CCSER1: variants seen among roughly 807,000 people sequenced by gnomAD.
CCSER1 encodes serine-rich coiled-coil domain-containing protein 1.
CCSER1 carries 41 observed loss-of-function variants against 82.0 expected under a neutral mutation model. The ratio of observed to expected loss-of-function variants is 0.50; its 90% confidence interval spans 0.39 to 0.65. CCSER1 has a LOEUF of 0.65. CCSER1 is among the 30% of genes least tolerant of loss of function. The pLI is 0.00. For missense variants in CCSER1, 1,119 were observed against 1,064.2 expected, an observed-to-expected ratio of 1.05 and a Z score of -0.72; for synonymous variants, 414 against 383.9, an observed-to-expected ratio of 1.08 and a Z score of -0.92.
At position 91,454,860 on chromosome 4, in the gene CCSER1, T is replaced by G. The variant is rs75919146; in HGVS notation, c.2218-143712T>G. 3.0e-3 allele frequency among the ~76,000 whole-genome samples: 455 copies of G among 152,052 alleles called. 3 individuals carry two copies. The highest frequency in any genetic ancestry group is 0.023 in the South Asian group (113 of 4,812). Reference sequence around the variant, plus strand: ...CTTAGCCATAGTAGACACAGAAAATTCCCTTGTTCTAACCCTTTTAGCATC... The same window carrying G: ...CTTAGCCATAGTAGACACAGAAAATGCCCTTGTTCTAACCCTTTTAGCATC... On this transcript the variant is annotated intron_variant, in intron 10 of 10. Transcript: ENST00000509176.
At chr4:90,414,585 T>C (rs1755510503) in intron 4 of CCSER1, among the ~76,000 whole-genome samples, 1 of 152,162 alleles carries the variant, frequency 6.6e-6, no homozygotes, top group African/African-American at 2.4e-5. Context: ...CCTTCACACT[T>C]TTTATCTGTC....
chr4:91,084,922 G>A (rs2148814104), intron 9 of CCSER1, among the ~76,000 whole-genome samples: 1 of 151,988 alleles, frequency 6.6e-6, no homozygotes, highest in South Asian at 2.1e-4. Context: ...AAACATAAAT[G>A]CTGTAGCCAA....
chr4:90,349,929 C>A (rs971513077), intron 3 of CCSER1, among the ~76,000 whole-genome samples: 4 of 151,948 alleles, frequency 2.6e-5, no homozygotes, highest in African/African-American at 9.7e-5. Context: ...CTGTCATAAC[C>A]CAAAGTGCAT....
chr4:90,515,196 A>G (rs1772099444), intron 5 of CCSER1, among the ~76,000 whole-genome samples: 1 of 152,194 alleles, frequency 6.6e-6, no homozygotes, highest in African/African-American at 2.4e-5. Context: ...AGTTATTTCT[A>G]TATCCACACT....
At chr4:91,249,733 A>G (rs1008304956) in intron 10 of CCSER1, among the ~76,000 whole-genome samples, 2 of 152,124 alleles carry the variant, frequency 1.3e-5, no homozygotes, top group South Asian at 4.1e-4. Flanking sequence ...TAGTTTCCAT[A>G]TAACCAACAT....
rs982717053 is a variant in CCSER1, at chr4:91,057,154, G to A, written c.2173-28796G>A. ...GTCCTTATTGCCCACCCTGGCTCCT[G>A]TAAGCTGTGTGCAAGCTGCTCCAGG... On this transcript the variant is annotated intron_variant, in intron 9 of 10. Transcript: ENST00000509176. 2.0e-5 allele frequency among the ~76,000 whole-genome samples: 3 copies of A among 152,176 alleles called. No individual in the cohort carries two copies. The South Asian group carries it at 6.2e-4, about 32-fold the overall frequency.
chr4:91,485,828 G>A (rs1436451655), intron 10 of CCSER1, among the ~76,000 whole-genome samples: 1 of 151,998 alleles, frequency 6.6e-6, no homozygotes, highest in Non-Finnish European at 1.5e-5. Flanking sequence ...AAACAACAAT[G>A]ATTTAAATCC....
intron 5 of CCSER1, among the ~76,000 whole-genome samples, chr4:90,479,532 C>A (rs1375603252): frequency 2.0e-5 from 3 of 152,164 alleles, no homozygotes; most frequent in Middle Eastern, 3.4e-3. Context: ...CCCGCTCCCC[C>A]CACCCCACAA....
At chr4:90,274,304 T>G (rs1727134915) in intron 1 of CCSER1, among the ~76,000 whole-genome samples, 1 of 152,092 alleles carries the variant, frequency 6.6e-6, no homozygotes, top group Non-Finnish European at 1.5e-5. Flanking sequence ...GGAAAAAAAA[T>G]AGAAAACTAC....
chr4:90,709,636 A>G (rs1196721351), intron 6 of CCSER1, among the ~76,000 whole-genome samples: 3 of 152,144 alleles, frequency 2.0e-5, no homozygotes, highest in East Asian at 3.8e-4. Context: ...ATGGCTGCAT[A>G]GTATATTATG....
chr4:90,559,333 AG>A (rs1778461861), intron 5 of CCSER1, among the ~76,000 whole-genome samples: 1 of 152,156 alleles, frequency 6.6e-6, no homozygotes, highest in African/African-American at 2.4e-5. Flanking sequence ...GTGGTGTAGA[AG>A]GGGAAAAGGC....
intron 10 of CCSER1, among the ~76,000 whole-genome samples, chr4:91,247,316 A>AT (rs1395035030): frequency 2.1e-5 from 3 of 146,324 alleles, no homozygotes; most frequent in Admixed American, 2.0e-4. Context: ...AAAAAAAAAA[A>AT]GCCTGGAATT....
chr4:90,215,260 C>G (rs1740808792), intron 1 of CCSER1, among the ~76,000 whole-genome samples: 1 of 152,142 alleles, frequency 6.6e-6, no homozygotes, highest in Non-Finnish European at 1.5e-5. Context: ...ACATTGTAGC[C>G]TTTCTTTACA....
intron 10 of CCSER1, among the ~76,000 whole-genome samples, chr4:91,132,878 C>T (rs1174024159): frequency 6.6e-6 from 1 of 152,192 alleles, no homozygotes; most frequent in Non-Finnish European, 1.5e-5. Context: ...ATTCCTTACT[C>T]TGCATTTTCA....
intron 10 of CCSER1, among the ~76,000 whole-genome samples, chr4:91,534,691 TTAA>T (rs769030628): frequency 1.3e-5 from 2 of 152,000 alleles, no homozygotes; most frequent in Non-Finnish European, 2.9e-5. Context: ...CTTAGCTATA[TTAA>T]TTCAATTTTT....
At chr4:91,402,310 G>A (rs1752395509) in intron 10 of CCSER1, among the ~76,000 whole-genome samples, 1 of 152,072 alleles carries the variant, frequency 6.6e-6, no homozygotes, top group African/African-American at 2.4e-5. Context: ...TGTCAGATGG[G>A]TAGATTGTAA....
chr4:90,352,185 G>C (rs1412130348), intron 3 of CCSER1, among the ~76,000 whole-genome samples: 2 of 151,990 alleles, frequency 1.3e-5, no homozygotes, highest in African/African-American at 4.8e-5. Context: ...TTAGCCGGGC[G>C]TGGTGGCGGG....
At position 91,428,043 on chromosome 4, in the gene CCSER1, T is replaced by C. The variant is rs532423157; in HGVS notation, c.2218-170529T>C. Among the ~76,000 whole-genome samples, 357 of 152,132 alleles carry C rather than the reference T, an allele frequency of 2.3e-3. 3 individuals carry two copies. Among genetic ancestry groups the C allele is most frequent in the South Asian group, 0.015 (72 of 4,802 alleles). ...TCATTTTCAATCCAACTTGAATTTC[T>C]GTTTCATTATTTTCTAATGAAATTG... On this transcript the variant is annotated intron_variant, in intron 10 of 10. Coordinates refer to ENST00000509176, the MANE Select transcript of CCSER1 (RefSeq NM_001145065.2).
At chr4:90,990,066 T>C (rs1276655246) in intron 9 of CCSER1, among the ~76,000 whole-genome samples, 2 of 151,864 alleles carry the variant, frequency 1.3e-5, no homozygotes. Context: ...TGTGTGACAT[T>C]ATGAAGTGGG....
Sources: gnomAD v4.1 joint callset for allele counts (sites outside exome capture counted in the v4.1 genomes callset) on GRCh38, gnomAD v4.1.1 for gene constraint, MANE v1.5 for transcripts, NCBI Gene and HGNC (gene_info 2026-07-23, HGNC 2026-07-21) for gene names.